The following NUP153 variants were observed in gnomAD, a reference collection of about 807,000 sequenced individuals.
NUP153 encodes the protein nucleoporin 153.
A neutral mutation model predicts 134.6 loss-of-function variants in NUP153; 27 were observed. The observed-to-expected ratio is 0.20, with a 90% confidence interval of 0.15 to 0.28. NUP153 has a LOEUF of 0.28. NUP153 is among the 10% of genes least tolerant of loss of function. The pLI, the probability that NUP153 is intolerant of heterozygous loss-of-function variation, is 1.00. For missense variants in NUP153, 1,821 were observed against 1,731.3 expected (o/e 1.05, Z -0.92); for synonymous variants, 640 against 623.5 (o/e 1.03, Z -0.40).
At chr6:17,630,750 A>C in intron 17 of NUP153, among the ~76,000 whole-genome samples, 1 of 96,494 alleles carries the variant, frequency 1.0e-5, no homozygotes, top group Non-Finnish European at 2.1e-5. Flanking sequence ...GGAGGGGAGA[A>C]GGGAGGGGAG....
chr6:17,705,474 T>C (rs1166569882), intron 1 of NUP153, among the ~76,000 whole-genome samples: 1 of 151,208 alleles, frequency 6.6e-6, no homozygotes, highest in Admixed American at 6.7e-5. Flanking sequence ...ACTTCTAGAA[T>C]ACGCCTCATA....
chr6:17,704,211 T>G (rs1378583530), intron 1 of NUP153, among the ~76,000 whole-genome samples: 1 of 151,004 alleles, frequency 6.6e-6, no homozygotes, highest in African/African-American at 2.4e-5. Flanking sequence ...AGAATGGCAT[T>G]AACCCGGGAG....
intron 2 of NUP153, among the ~76,000 whole-genome samples, chr6:17,686,736 A>G (rs1768956689): frequency 6.6e-6 from 1 of 151,918 alleles, no homozygotes; most frequent in Non-Finnish European, 1.5e-5. Context: ...AAGTTTTTGA[A>G]GTAGATATCA....
intron 11 of NUP153, among the ~76,000 whole-genome samples, chr6:17,655,825 A>G (rs1417036690): frequency 1.3e-5 from 2 of 152,168 alleles, no homozygotes; most frequent in African/African-American, 2.4e-5. Flanking sequence ...TGGTCTCAAC[A>G]TATCTGACTT....
intron 1 of NUP153, among the ~76,000 whole-genome samples, chr6:17,698,321 C>T (rs1379904621): frequency 6.6e-6 from 1 of 152,168 alleles, no homozygotes; most frequent in African/African-American, 2.4e-5. Context: ...GTCCAAGCAC[C>T]GTGGCTCACG....
At chr6:17,661,186 T>A (rs1270098290) in intron 11 of NUP153, among the ~76,000 whole-genome samples, 1 of 152,064 alleles carries the variant, frequency 6.6e-6, no homozygotes, top group African/African-American at 2.4e-5. Context: ...TGGTGGCAAA[T>A]GCCTATAGTC....
At position 17,695,234 on chromosome 6, in the gene NUP153, G is replaced by C. The variant is rs570151970; in HGVS notation, c.112-6616C>G. On this transcript the variant is annotated intron_variant, in intron 1 of 21. Coordinates refer to ENST00000262077, the MANE Select transcript of NUP153 (RefSeq NM_005124.4). Reference sequence around the variant, plus strand: ...TTATATATCTAGTCACTTATAAAAGGACTAAAACAGTGGTTCTCAAAGTGT... The same window carrying C: ...TTATATATCTAGTCACTTATAAAAGCACTAAAACAGTGGTTCTCAAAGTGT... Among the ~76,000 whole-genome samples the C allele has an allele frequency of 1.3e-4, 20 of 152,214 alleles. 3 individuals are homozygous for C. The South Asian group carries it at 3.5e-3, about 27-fold the overall frequency.
In NUP153 at chr6:17,675,751, A is replaced by C. The variant is rs1271940233; in HGVS notation, c.354T>G (p.Thr118=). The C allele has an allele frequency of 3.7e-6, 6 of 1,613,726 alleles. No individual in the cohort carries two copies. Among genetic ancestry groups the C allele is most frequent in the Non-Finnish European group, 5.1e-6 (6 of 1,179,584 alleles). Residue 118 remains threonine, a synonymous_variant, in exon 3 of 22, where the codon ACT becomes ACG. Transcript: ENST00000262077. This position sits in a 1 kb window ranked among gnomAD's most constrained non-coding sequence, Gnocchi z 4.4. ...TTAACACATCTGGATAATTTGAAGC[A>C]GTACTAGTTGTTGAAGGTTCTTAAA... The part of the protein sequence containing the change: ...SNTEEPSTTS[T]ASNYPDVLTR...
chr6:17,649,736 T>C (rs891587111), intron 11 of NUP153, among the ~76,000 whole-genome samples: 1 of 152,254 alleles, frequency 6.6e-6, no homozygotes, highest in Non-Finnish European at 1.5e-5. Flanking sequence ...TATTACATTA[T>C]AGTGTTATAA....
chr6:17,652,805 C>T (rs1766580245), intron 11 of NUP153, among the ~76,000 whole-genome samples: 1 of 152,130 alleles, frequency 6.6e-6, no homozygotes, highest in Non-Finnish European at 1.5e-5. Flanking sequence ...AGGTGGATCA[C>T]CTAAGGTCAG....
intron 18 of NUP153, among the ~76,000 whole-genome samples, chr6:17,627,565 T>C (rs1277476708): frequency 6.6e-6 from 1 of 152,154 alleles, no homozygotes; most frequent in Non-Finnish European, 1.5e-5. Flanking sequence ...GGCCAATCTC[T>C]GCTCACTGCC....
At chr6:17,659,445 C>G (rs765945481) in intron 11 of NUP153, among the ~76,000 whole-genome samples, 2 of 152,092 alleles carry the variant, frequency 1.3e-5, no homozygotes, top group African/African-American at 4.8e-5. Context: ...CTTATTTACA[C>G]AAGGTAAGAC....
chr6:17,689,089 G>C (rs147073289), intron 1 of NUP153, among the ~76,000 whole-genome samples: 1 of 151,456 alleles, frequency 6.6e-6, no homozygotes, highest in African/African-American at 2.4e-5. Context: ...AAAAATACAG[G>C]AACTAAAACA....
chr6:17,626,118 G>C lies in NUP153; in HGVS notation c.3591C>G (p.Ser1197=), dbSNP rs766086537. The C allele has an allele frequency of 1.8e-5, 29 of 1,613,326 alleles. No homozygotes were observed. The highest frequency in any genetic ancestry group is 2.4e-5 in the Non-Finnish European group (28 of 1,180,022). The change falls in exon 19 of 22, where the codon TCC becomes TCG. Residue 1197 remains serine, a synonymous_variant. Coordinates refer to ENST00000262077, the MANE Select transcript of NUP153 (RefSeq NM_005124.4). ...KPVFSFLNNS[S]SSSSTPATSA... is the part of the protein sequence containing the mutation. Reference sequence around the variant, plus strand: ...AAGTGGCTGGTGTACTTGAACTAGAGGAACTGTTGTTCAAGAAACTAAAAA... The same window carrying C: ...AAGTGGCTGGTGTACTTGAACTAGACGAACTGTTGTTCAAGAAACTAAAAA...
At position 17,625,800 on chromosome 6, in the gene NUP153, A is replaced by T. The variant is rs1359127704; in HGVS notation, c.3901+8T>A. The T allele has an allele frequency of 2.5e-6, 4 of 1,594,790 alleles. No homozygotes were observed. Among genetic ancestry groups the T allele is most frequent in the Admixed American group, 1.7e-5 (1 of 58,434 alleles). On this transcript the variant is annotated splice_region_variant and intron_variant, in intron 19 of 21. Coordinates refer to ENST00000262077, the MANE Select transcript of NUP153 (RefSeq NM_005124.4). The surrounding 1 kb of genome is among the most constrained non-coding windows in gnomAD (Gnocchi z 4.7). ...AATTACAATGCATTTTTTCTTTTGTAAATGTACCTGCAGAGCTAGATGTGG... is the reference window on the plus strand; with the variant it reads ...AATTACAATGCATTTTTTCTTTTGTTAATGTACCTGCAGAGCTAGATGTGG...
chr6:17,687,278 A>C (rs1768989636), intron 2 of NUP153, among the ~76,000 whole-genome samples: 1 of 152,336 alleles, frequency 6.6e-6, no homozygotes, highest in African/African-American at 2.4e-5. Context: ...CTCTCTAACC[A>C]AAAGGAAACA....
chr6:17,706,367 T>C lies in NUP153; in HGVS notation c.21A>G (p.Gly7=). The C allele has an allele frequency of 6.2e-7, 1 of 1,612,394 alleles. No individual in the cohort carries two copies. The highest frequency in any genetic ancestry group is 1.1e-5 in the South Asian group (1 of 91,078). The part of the protein sequence containing the change: MASGAG[G]VGGGGGGKIR... ...TCTTGCCGCCACCGCCCCCTCCGAC[T>C]CCTCCGGCTCCCGAGGCCATGGCGG... Residue 7 remains glycine (G), a synonymous_variant, in exon 1 of 22, where the codon GGA becomes GGG. Transcript: ENST00000262077. The surrounding 1 kb of genome is among the most constrained non-coding windows in gnomAD (Gnocchi z 5.9).
intron 18 of NUP153, among the ~76,000 whole-genome samples, chr6:17,627,114 G>A (rs1212132067): frequency 6.6e-6 from 1 of 152,088 alleles, no homozygotes; most frequent in Non-Finnish European, 1.5e-5. Flanking sequence ...ATCCAGGGCT[G>A]GTCACAGTAC....
At chr6:17,644,301 A>G (rs1766020922) in intron 14 of NUP153, among the ~76,000 whole-genome samples, 1 of 152,148 alleles carries the variant, frequency 6.6e-6, no homozygotes, top group Admixed American at 6.5e-5. Flanking sequence ...TGCCTCTAAC[A>G]TGCCACTCCA....
Sources: gnomAD v4.1 joint callset for allele counts (sites outside exome capture counted in the v4.1 genomes callset) on GRCh38, gnomAD v4.1.1 for gene constraint, Gnocchi (gnomAD v3.1) non-coding constraint, MANE v1.5 for transcripts, NCBI Gene and HGNC (gene_info 2026-07-23, HGNC 2026-07-21) for gene names.